The following UXS1 variants were observed in gnomAD, a reference collection of about 807,000 sequenced individuals.
UXS1 encodes UDP-glucuronic acid decarboxylase 1.
A neutral mutation model predicts 62.6 loss-of-function variants in UXS1; 33 were observed. The ratio of observed to expected loss-of-function variants is 0.53; its 90% CI spans 0.40 to 0.70. The LOEUF is 0.70. UXS1 is among the 30% of genes least tolerant of loss of function. The probability of loss-of-function intolerance (pLI) is 0.00; values close to 1 mark genes in which losing one functional copy is unlikely to be tolerated. For missense variants in UXS1, 434 were observed against 556.3 expected (o/e 0.78, Z 2.21); for synonymous variants, 213 against 206.8 (o/e 1.03, Z -0.26).
chr2:106,193,256 T>C (rs1685045554), intron 1 of UXS1, among the ~76,000 whole-genome samples: 1 of 152,174 alleles, frequency 6.6e-6, no homozygotes, highest in Non-Finnish European at 1.5e-5. Context: ...TTTCAGTGTG[T>C]GTCTGGGTGG....
At chr2:106,098,043 G>T (rs1194314932) in intron 13 of UXS1, among the ~76,000 whole-genome samples, 1 of 152,244 alleles carries the variant, frequency 6.6e-6, no homozygotes, top group East Asian at 1.9e-4. Context: ...AGGACACACT[G>T]TGGCATACTC....
At chr2:106,151,075 G>T (rs566499052) in intron 5 of UXS1, among the ~76,000 whole-genome samples, 12 of 152,268 alleles carry the variant, frequency 7.9e-5, no homozygotes, top group African/African-American at 2.6e-4. Flanking sequence ...TTCCACCATT[G>T]TATTTTACAA....
chr2:106,128,840 C>T (rs539974752), intron 7 of UXS1, among the ~76,000 whole-genome samples: 174 of 152,286 alleles, frequency 1.1e-3, no homozygotes, highest in Non-Finnish European at 2.3e-3. Context: ...TTCTCGACTC[C>T]ACGCTTTGTT....
chr2:106,188,794 G>A (rs576312047), intron 1 of UXS1, among the ~76,000 whole-genome samples: 1 of 152,234 alleles, frequency 6.6e-6, no homozygotes, highest in Non-Finnish European at 1.5e-5. Flanking sequence ...CATCTGAGGA[G>A]AGCCTCACAC....
At chr2:106,116,847 T>C (rs1165140757) in intron 9 of UXS1, among the ~76,000 whole-genome samples, 1 of 152,186 alleles carries the variant, frequency 6.6e-6, no homozygotes, top group East Asian at 1.9e-4. Flanking sequence ...CCTGACCTTG[T>C]GGAAAGACAC....
intron 10 of UXS1, among the ~76,000 whole-genome samples, chr2:106,107,565 G>A (rs1678190823): frequency 6.6e-6 from 1 of 152,194 alleles, no homozygotes; most frequent in South Asian, 2.1e-4. Flanking sequence ...GAAGAACCAC[G>A]CCAGGTACCT....
intron 1 of UXS1, among the ~76,000 whole-genome samples, chr2:106,176,646 AGAAG>A (rs1683899517): frequency 6.6e-6 from 1 of 152,194 alleles, no homozygotes; most frequent in African/African-American, 2.4e-5. Flanking sequence ...CCCAGACTAG[AGAAG>A]CACTCTGCAG....
At chr2:106,128,997 T>C (rs1680204928) in intron 7 of UXS1, among the ~76,000 whole-genome samples, 1 of 152,214 alleles carries the variant, frequency 6.6e-6, no homozygotes, top group Non-Finnish European at 1.5e-5. Flanking sequence ...CTGGAGTTTT[T>C]TGAAAAAACT....
chr2:106,121,062 C>T (rs536298863), intron 9 of UXS1, among the ~76,000 whole-genome samples: 13 of 152,212 alleles, frequency 8.5e-5, no homozygotes, highest in South Asian at 4.2e-4. Context: ...TGCTACCTTC[C>T]GGAACCCCCA....
chr2:106,171,384 C>G (rs899811759), intron 1 of UXS1, among the ~76,000 whole-genome samples: 1 of 152,304 alleles, frequency 6.6e-6, no homozygotes. Flanking sequence ...GTCTTCCAAT[C>G]TGAAGTCTGT....
At chr2:106,111,234 T>C (rs899215739) in intron 10 of UXS1, among the ~76,000 whole-genome samples, 20 of 151,996 alleles carry the variant, frequency 1.3e-4, no homozygotes, top group African/African-American at 4.8e-4. Flanking sequence ...GCACGGCCAT[T>C]AGGATGTGCT....
At chr2:106,094,304 G>T in intron 14 of UXS1, 147 bp from the exon 15 acceptor site, 1 of 939,434 alleles carries the variant, frequency 1.1e-6, no homozygotes, top group Non-Finnish European at 1.5e-6. Context: ...CCATGCTTTG[G>T]TTGTGACAGC....
chr2:106,192,128 T>G (rs1045522259), intron 1 of UXS1, among the ~76,000 whole-genome samples: 1 of 152,202 alleles, frequency 6.6e-6, no homozygotes, highest in Non-Finnish European at 1.5e-5. Flanking sequence ...CGTGCTACAC[T>G]ATGTGGTATA....
chr2:106,184,222 A>C (rs1400979365), intron 1 of UXS1, among the ~76,000 whole-genome samples: 2 of 152,198 alleles, frequency 1.3e-5, no homozygotes, highest in African/African-American at 4.8e-5. Context: ...AAAGAAAAAG[A>C]AAAGGGCTGA....
At chr2:106,185,612 A>G (rs892594066) in intron 1 of UXS1, among the ~76,000 whole-genome samples, 1 of 152,228 alleles carries the variant, frequency 6.6e-6, no homozygotes, top group Non-Finnish European at 1.5e-5. Flanking sequence ...CCATGAGTTT[A>G]ACGGTGCCCC....
In UXS1 at chr2:106,176,297, C is replaced by T. The variant is rs191204508; in HGVS notation, c.95-10214G>A. Reference sequence around the variant, plus strand: ...AGCACTCTGGAAAAGGGCAAATCTTCGACTTTCCTTGGATAAACCCTGAGG... The same window carrying T: ...AGCACTCTGGAAAAGGGCAAATCTTTGACTTTCCTTGGATAAACCCTGAGG... On this transcript the variant is annotated intron_variant, in intron 1 of 14. Transcript: ENST00000283148. Among the ~76,000 whole-genome samples, 357 of 152,324 alleles carry T rather than the reference C, an allele frequency of 2.3e-3. 2 individuals are homozygous for T. The highest frequency in any genetic ancestry group is 8.2e-3 in the African/African-American group (341 of 41,584).
chr2:106,138,860 C>T (rs182485542), intron 6 of UXS1: 1 of 985,428 alleles, frequency 1.0e-6, no homozygotes, highest in Admixed American at 6.1e-5. Context: ...GTAACATTAA[C>T]AATAACTCCA....
Position 106,145,221 on chromosome 2 carries a change from G to A in UXS1, c.441C>T (p.Asn147=), listed in dbSNP as rs752917648. 1.2e-6 allele frequency: 2 copies of A among 1,613,864 alleles called. No homozygotes were observed. Among genetic ancestry groups the A allele is most frequent in the East Asian group, 4.5e-5 (2 of 44,870 alleles). ...TGTAGAGGGGCTCCACCACGTCGTG[G>A]TTAATCAACTCGAAGTTCTCATGTC... The part of the protein sequence containing the change: ...WIGHENFELI[N]HDVVEPLYIE... The change falls in exon 6 of 15, where the codon AAC becomes AAT. Residue 147 remains asparagine (N), a synonymous_variant. Transcript: ENST00000283148.
At chr2:106,147,587 T>C (rs1429387570) in intron 5 of UXS1, among the ~76,000 whole-genome samples, 2 of 151,848 alleles carry the variant, frequency 1.3e-5, no homozygotes, top group African/African-American at 2.4e-5. Context: ...TGTCTCAAAA[T>C]AAATAAAATA....
Sources: gnomAD v4.1 joint callset for allele counts (sites outside exome capture counted in the v4.1 genomes callset) on GRCh38, gnomAD v4.1.1 for gene constraint, MANE v1.5 for transcripts, NCBI Gene and HGNC (gene_info 2026-07-23, HGNC 2026-07-21) for gene names.